The following CNBD1 variants were observed in gnomAD, a reference collection of about 807,000 sequenced individuals.
The protein encoded by CNBD1 is cyclic nucleotide-binding domain-containing protein 1.
A neutral mutation model predicts 54.4 loss-of-function variants in CNBD1; 71 were observed. The ratio of observed to expected loss-of-function variants is 1.30; its 90% CI spans 1.08 to 1.59. The LOEUF (loss-of-function observed/expected upper bound fraction) is 1.59, where lower values mean the gene tolerates loss of function less well. CNBD1 is among the 40% of genes most tolerant of loss of function. The probability of loss-of-function intolerance (pLI) is 0.00; values close to 1 mark genes in which losing one functional copy is unlikely to be tolerated. For missense variants in CNBD1, 659 were observed against 518.0 expected (o/e 1.27, Z -2.64); for synonymous variants, 182 against 170.7 (o/e 1.07, Z -0.51).
chr8:86,986,954 C>T (rs760817152), intron 4 of CNBD1, among the ~76,000 whole-genome samples: 2 of 152,092 alleles, frequency 1.3e-5, no homozygotes, highest in African/African-American at 2.4e-5. Context: ...ATACCTCCAG[C>T]TTTGTTCTTC....
At chr8:87,391,281 C>T (rs1317107000) in intron 2 of CNBD1, among the ~76,000 whole-genome samples, 1 of 151,766 alleles carries the variant, frequency 6.6e-6, no homozygotes, top group Non-Finnish European at 1.5e-5. Flanking sequence ...ATAACGATTG[C>T]AGATACCTCA....
At position 87,069,665 on chromosome 8, in the gene CNBD1, C is replaced by T. The variant is rs545229925; in HGVS notation, c.431+129911C>T. On this transcript the variant is annotated intron_variant, in intron 4 of 10. Transcript: ENST00000518476. The stretch of plus-strand genomic sequence containing the variant: ...AGCAATGCATGACTGTATAGTGAAC[C>T]GTGAAAACTTGGAATATAAAAATGT... 1.7e-4 allele frequency among the ~76,000 whole-genome samples: 26 copies of T among 152,070 alleles called. No homozygotes were observed. The South Asian group carries it at 3.3e-3, about 19-fold the overall frequency.
At chr8:86,961,443 A>G (rs1807927019) in intron 4 of CNBD1, among the ~76,000 whole-genome samples, 1 of 152,358 alleles carries the variant, frequency 6.6e-6, no homozygotes, top group South Asian at 2.1e-4. Flanking sequence ...ATGCAATGCA[A>G]TCTTACTTTC....
chr8:87,025,235 C>T (rs1157615058), intron 4 of CNBD1, among the ~76,000 whole-genome samples: 1 of 152,134 alleles, frequency 6.6e-6, no homozygotes, highest in Non-Finnish European at 1.5e-5. Context: ...GTAAAATGGA[C>T]CAATCCCCAG....
intron 2 of CNBD1, among the ~76,000 whole-genome samples, chr8:87,392,161 TG>T (rs1811322485): frequency 6.6e-6 from 1 of 151,988 alleles, no homozygotes; most frequent in Non-Finnish European, 1.5e-5. Context: ...TAACAAGTGT[TG>T]TCAAAGATGT....
In CNBD1 at chr8:87,351,763, TA is replaced by T; in HGVS notation, c.1122del (p.Ile374MetfsTer4). Reference protein sequence around the residue: ...SGCCNIYRSIIGFVKLRSNKV... With the variant: ...SGCCNIYRSIXGFVKLRSNKV... Reference sequence around the variant, plus strand: ...TGCTGTAACATTTATAGAAGTATTATAGGATTTGTGAAACTACGATCAAATA... The same window carrying T: ...TGCTGTAACATTTATAGAAGTATTATGGATTTGTGAAACTACGATCAAATA... On this transcript the variant is annotated frameshift_variant, in exon 9 of 11. Coordinates refer to ENST00000518476, the MANE Select transcript of CNBD1 (RefSeq NM_173538.3). LOFTEE classifies it high-confidence loss of function. 2.0e-6 allele frequency: 3 copies of T among 1,517,390 alleles called. No homozygotes were observed. The highest frequency in any genetic ancestry group is 2.6e-6 in the Non-Finnish European group (3 of 1,137,840). The allele number at this position is 1,517,390 out of a possible 1,614,324, so 94.0% of individuals were successfully genotyped here.
chr8:87,082,434 G>A (rs1811015773), intron 4 of CNBD1, among the ~76,000 whole-genome samples: 1 of 152,098 alleles, frequency 6.6e-6, no homozygotes, highest in Non-Finnish European at 1.5e-5. Context: ...CTCTTCACAG[G>A]GATGTGCATG....
intron 10 of CNBD1, among the ~76,000 whole-genome samples, chr8:87,356,090 T>C (rs1409213203): frequency 7.9e-6 from 1 of 126,206 alleles, no homozygotes; most frequent in Non-Finnish European, 1.8e-5. Flanking sequence ...GCAGATGTTG[T>C]TGCCATGCTT....
At chr8:87,243,935 T>G (rs976116076) in intron 6 of CNBD1, among the ~76,000 whole-genome samples, 1 of 152,110 alleles carries the variant, frequency 6.6e-6, no homozygotes, top group African/African-American at 2.4e-5. Context: ...GTTTTGTTTT[T>G]TTAATTAAAA....
chr8:87,187,490 C>A (rs1458503671), intron 4 of CNBD1, among the ~76,000 whole-genome samples: 1 of 141,718 alleles, frequency 7.1e-6, no homozygotes, highest in Non-Finnish European at 1.5e-5. Context: ...TTTTGGCTAG[C>A]ATTTTGACAG....
intron 4 of CNBD1, among the ~76,000 whole-genome samples, chr8:87,125,904 CT>C (rs1420253921): frequency 6.6e-6 from 1 of 151,806 alleles, no homozygotes; most frequent in Admixed American, 6.6e-5. Flanking sequence ...TTTCCATTTC[CT>C]AAAATTTATA....
At chr8:87,171,462 C>T (rs1444524845) in intron 4 of CNBD1, among the ~76,000 whole-genome samples, 4 of 151,550 alleles carry the variant, frequency 2.6e-5, no homozygotes, top group African/African-American at 9.7e-5. Flanking sequence ...AAAAAACCAA[C>T]TTTTTGTTTT....
chr8:87,009,231 G>C (rs1036619170), intron 4 of CNBD1, among the ~76,000 whole-genome samples: 5 of 151,860 alleles, frequency 3.3e-5, no homozygotes, highest in Non-Finnish European at 5.9e-5. Context: ...TTTGCCTTCT[G>C]CTCTTTTTCT....
downstream of CNBD1, among the ~76,000 whole-genome samples, chr8:87,383,590 T>G (rs1811131319): frequency 6.6e-6 from 1 of 152,008 alleles, no homozygotes; most frequent in African/African-American, 2.4e-5. Flanking sequence ...TTCAGTTATT[T>G]TTAATTCTTA....
chr8:87,062,347 T>C (rs1457948103), intron 4 of CNBD1, among the ~76,000 whole-genome samples: 4 of 152,116 alleles, frequency 2.6e-5, no homozygotes, highest in Non-Finnish European at 5.9e-5. Flanking sequence ...GTGAGCTTTG[T>C]CATCTTCCTA....
intron 8 of CNBD1, among the ~76,000 whole-genome samples, chr8:87,324,614 A>T (rs1809627840): frequency 1.3e-5 from 2 of 150,014 alleles, no homozygotes; most frequent in Non-Finnish European, 1.5e-5. Flanking sequence ...GTATTCTCTG[A>T]TGGTAGTTTG....
intron 10 of CNBD1, among the ~76,000 whole-genome samples, chr8:87,361,689 A>AATATATATATATATATAT (rs71277937): frequency 2.0e-4 from 29 of 143,458 alleles, no homozygotes; most frequent in African/African-American, 6.3e-4. Context: ...TAGTTGGATG[A>AATATATATATATATATAT]ATATATATAT....
chr8:87,335,352 G>C (rs1296166807), intron 8 of CNBD1, among the ~76,000 whole-genome samples: 1 of 152,012 alleles, frequency 6.6e-6, no homozygotes, highest in Admixed American at 6.5e-5. Flanking sequence ...TCTCTTTGTA[G>C]GTCTCTAAGA....
At chr8:86,980,661 T>A (rs2130508073) in intron 4 of CNBD1, among the ~76,000 whole-genome samples, 1 of 152,342 alleles carries the variant, frequency 6.6e-6, no homozygotes, top group African/African-American at 2.4e-5. Flanking sequence ...GGAAGCAAAT[T>A]ATTTGCTGTA....
Sources: gnomAD v4.1 joint callset for allele counts (sites outside exome capture counted in the v4.1 genomes callset) on GRCh38, gnomAD v4.1.1 for gene constraint, MANE v1.5 for transcripts, NCBI Gene and HGNC (gene_info 2026-07-23, HGNC 2026-07-21) for gene names.